The following EPHB1 variants were observed in gnomAD, a reference collection of about 807,000 sequenced individuals.
EPHB1 encodes ephrin type-B receptor 1.
A neutral mutation model predicts 94.4 loss-of-function variants in EPHB1; 30 were observed. The ratio of observed to expected loss-of-function variants is 0.32; its 90% CI spans 0.24 to 0.43. EPHB1 has a LOEUF of 0.43. Among genes scored for constraint, EPHB1 ranks in the 20% least tolerant of loss-of-function variants. The pLI is 1.00. For missense variants in EPHB1, 1,055 were observed against 1,308.3 expected (o/e 0.81, Z 2.99); for synonymous variants, 522 against 489.1 (o/e 1.07, Z -0.89).
At chr3:134,928,891 AAG>A (rs1367525029) in intron 2 of EPHB1, among the ~76,000 whole-genome samples, 2 of 152,132 alleles carry the variant, frequency 1.3e-5, no homozygotes, top group Non-Finnish European at 2.9e-5. Flanking sequence ...AAGCCAGGGG[AAG>A]AGTGTGTCAG....
At chr3:135,099,879 A>G (rs1353405082) in intron 3 of EPHB1, among the ~76,000 whole-genome samples, 1 of 152,194 alleles carries the variant, frequency 6.6e-6, no homozygotes, top group Non-Finnish European at 1.5e-5. Context: ...TTGTAGGAGC[A>G]ATGAACTCTG....
intron 3 of EPHB1, among the ~76,000 whole-genome samples, chr3:134,997,229 C>T (rs138631320): frequency 4.5e-4 from 68 of 152,276 alleles, no homozygotes; most frequent in African/African-American, 1.6e-3. Flanking sequence ...TATGTTTCAT[C>T]ACTTCTCAGG....
intron 10 of EPHB1, among the ~76,000 whole-genome samples, chr3:135,182,487 A>G (rs1942182517): frequency 6.6e-6 from 1 of 152,190 alleles, no homozygotes. Context: ...GCGAATAAAC[A>G]GACTCAGAGG....
chr3:135,252,330 G>C (rs181137606), intron 15 of EPHB1, among the ~76,000 whole-genome samples: 1 of 148,808 alleles, frequency 6.7e-6, no homozygotes, highest in Non-Finnish European at 1.5e-5. Context: ...TCGTCATCTA[G>C]CATAAGGTAT....
At chr3:135,249,561 G>A (rs1015276667) in intron 15 of EPHB1, 70 bp downstream of exon 15, 1 of 1,536,180 alleles carries the variant, frequency 6.5e-7, no homozygotes, top group Non-Finnish European at 8.8e-7. Context: ...TATTGCAGAT[G>A]GTGTGAGTCC....
At chr3:134,864,283 T>C (rs1330969251) in intron 1 of EPHB1, among the ~76,000 whole-genome samples, 14 of 152,166 alleles carry the variant, frequency 9.2e-5, no homozygotes, top group African/African-American at 3.4e-4. Context: ...AGGAGAAGGT[T>C]CCCAAAGGCC....
intron 1 of EPHB1, among the ~76,000 whole-genome samples, chr3:134,813,516 A>T (rs2036214464): frequency 2.0e-5 from 3 of 152,200 alleles, no homozygotes; most frequent in Admixed American, 2.0e-4. Context: ...GTCTGAAACC[A>T]TGCAGAGGAA....
intron 3 of EPHB1, among the ~76,000 whole-genome samples, chr3:134,976,601 A>G (rs1934201558): frequency 6.6e-6 from 1 of 152,182 alleles, no homozygotes. Context: ...CACTTTCTCC[A>G]GACGTCACCC....
At chr3:135,188,656 G>C (rs1942390539) in intron 10 of EPHB1, among the ~76,000 whole-genome samples, 1 of 152,160 alleles carries the variant, frequency 6.6e-6, no homozygotes, top group Non-Finnish European at 1.5e-5. Flanking sequence ...CTAAGTTCTG[G>C]AGAAATGAAG....
At chr3:135,093,796 TA>T (rs576839645) in intron 3 of EPHB1, among the ~76,000 whole-genome samples, 46 of 152,090 alleles carry the variant, frequency 3.0e-4, no homozygotes, top group Middle Eastern at 3.4e-3. Flanking sequence ...ATATAGATCA[TA>T]AAAGATTTTT....
At chr3:135,190,544 C>CAT (rs1328852228) in intron 10 of EPHB1, among the ~76,000 whole-genome samples, 171 of 152,250 alleles carry the variant, frequency 1.1e-3, no homozygotes, top group African/African-American at 4.1e-3. Flanking sequence ...TATATCTAGA[C>CAT]ATATATACAT....
chr3:134,939,687 G>C (rs2039078230), intron 2 of EPHB1, among the ~76,000 whole-genome samples: 1 of 152,178 alleles, frequency 6.6e-6, no homozygotes, highest in Non-Finnish European at 1.5e-5. Flanking sequence ...GCTTGGTAGT[G>C]GTGGCTCCAG....
chr3:134,802,261 C>G (rs1578096392), intron 1 of EPHB1, among the ~76,000 whole-genome samples: 1 of 151,538 alleles, frequency 6.6e-6, no homozygotes, highest in South Asian at 2.1e-4. Context: ...ACAGTGAAAC[C>G]CCATCTCTGC....
At chr3:134,801,894 G>C (rs1560239206) in intron 1 of EPHB1, among the ~76,000 whole-genome samples, 1 of 152,212 alleles carries the variant, frequency 6.6e-6, no homozygotes. Context: ...TCCCCTGGGG[G>C]TTAGAAAGTT....
chr3:135,170,472 C>T (rs1309691873), intron 9 of EPHB1, among the ~76,000 whole-genome samples: 4 of 115,382 alleles, frequency 3.5e-5, no homozygotes, highest in Non-Finnish European at 6.5e-5. Flanking sequence ...GCCAGATGCT[C>T]TTCATCTGAG....
Position 135,154,296 on chromosome 3 carries a change from A to G in EPHB1, c.1422+20A>G, listed in dbSNP as rs746119557. 1.4e-5 allele frequency: 22 copies of G among 1,613,620 alleles called. No individual in the cohort carries two copies. The highest frequency in any genetic ancestry group is 3.3e-5 in the Admixed American group (2 of 60,008). ...GAGAAGGTGAGCCAGCTCTACCTGC[A>G]AGCTTGCAAGACCCAAGGCCAGCCA... On this transcript the variant is annotated intron_variant, in intron 6 of 15. Coordinates refer to ENST00000398015, the MANE Select transcript of EPHB1 (RefSeq NM_004441.5).
chr3:134,860,239 C>G (rs1056114438), intron 1 of EPHB1, among the ~76,000 whole-genome samples: 1 of 151,586 alleles, frequency 6.6e-6, no homozygotes, highest in Non-Finnish European at 1.5e-5. Flanking sequence ...CTCAGCCAGT[C>G]TCCTGTTCTG....
At chr3:135,024,272 G>A (rs1252968155) in intron 3 of EPHB1, among the ~76,000 whole-genome samples, 1 of 152,178 alleles carries the variant, frequency 6.6e-6, no homozygotes, top group East Asian at 1.9e-4. Context: ...CATCTCAAGA[G>A]ACTCGGGAAA....
chr3:134,975,669 C>A (rs1394396927), intron 3 of EPHB1, among the ~76,000 whole-genome samples: 2 of 152,240 alleles, frequency 1.3e-5, no homozygotes, highest in Admixed American at 1.3e-4. Flanking sequence ...TTATTTACAT[C>A]TCACTTTATG....
Sources: allele counts gnomAD v4.1 joint callset (sites outside exome capture counted in the v4.1 genomes callset), GRCh38; gene constraint gnomAD v4.1.1; transcripts MANE v1.5; gene names NCBI Gene and HGNC (gene_info 2026-07-23, HGNC 2026-07-21).